The following EPC1 variants were observed in gnomAD, a reference collection of about 807,000 sequenced individuals.
EPC1 encodes enhancer of polycomb 1.
EPC1 carries 12 observed loss-of-function variants against 98.4 expected under a neutral mutation model. The ratio of observed to expected loss-of-function variants is 0.12; its 90% CI spans 0.08 to 0.20. The LOEUF (loss-of-function observed/expected upper bound fraction) is 0.20, where lower values mean the gene tolerates loss of function less well. Ranked by LOEUF, EPC1 falls within the 10% of genes least tolerant of loss-of-function variation. EPC1 has a pLI of 1.00. For synonymous variants in EPC1, 357 were observed against 363.9 expected, an observed-to-expected ratio of 0.98 and a Z score of 0.21; for missense variants, 729 against 990.5, an observed-to-expected ratio of 0.74 and a Z score of 3.54.
chr10:32,320,236 T>A (rs1041234), intron 1 of EPC1, among the ~76,000 whole-genome samples: 93,711 of 151,696 alleles, frequency 0.62, 30,073 homozygotes, highest in Middle Eastern at 0.76. Flanking sequence ...ACTTTTTTTT[T>A]AAAAAGTACA....
chr10:32,346,966 G>T lies in EPC1; in HGVS notation c.-51C>A. 1.2e-6 allele frequency: 2 copies of T among 1,601,066 alleles called. No individual in the cohort carries two copies. The stretch of plus-strand genomic sequence containing the variant: ...CTCTGGGGAAACGGCCCCGGCCAGC[G>T]GGATCATGGAGAACCGGGGGTTCGG... On this transcript the variant is annotated 5_prime_UTR_variant, in exon 1 of 14. Transcript: ENST00000319778.
chr10:32,271,497 G>A, intron 13 of EPC1, 57 bp downstream of exon 13: 1 of 1,551,082 alleles, frequency 6.4e-7, no homozygotes. Context: ...GAACGATGCT[G>A]GAGGACTGAA....
intron 10 of EPC1, chr10:32,274,151 C>T (rs1449088990): frequency 8.1e-5 from 12 of 148,144 alleles, no homozygotes; most frequent in Admixed American, 8.0e-4. Flanking sequence ...AAAAAAAGCA[C>T]ATACAATCAC....
At chr10:32,325,165 G>A (rs1477173621) in intron 1 of EPC1, among the ~76,000 whole-genome samples, 1 of 152,108 alleles carries the variant, frequency 6.6e-6, no homozygotes, top group African/African-American at 2.4e-5. Flanking sequence ...ACTATATTGA[G>A]TATAGTCAGA....
chr10:32,349,381 T>A (rs2505372), upstream of EPC1, among the ~76,000 whole-genome samples: 93,507 of 152,050 alleles, frequency 0.61, 29,844 homozygotes, highest in Middle Eastern at 0.74. Context: ...AAAATCACCC[T>A]CCGTGGCAAA....
At chr10:32,341,698 CA>C (rs1290261115) in intron 1 of EPC1, among the ~76,000 whole-genome samples, 1 of 152,200 alleles carries the variant, frequency 6.6e-6, no homozygotes, top group Non-Finnish European at 1.5e-5. Flanking sequence ...GTAAAGTGTT[CA>C]AAAGGTCCCT....
At chr10:32,324,229 G>A (rs941658414) in intron 1 of EPC1, among the ~76,000 whole-genome samples, 14 of 151,514 alleles carry the variant, frequency 9.2e-5, no homozygotes, top group South Asian at 4.2e-4. Flanking sequence ...GAGCCACTGC[G>A]CCCGGCCTAG....
intron 2 of EPC1, among the ~76,000 whole-genome samples, chr10:32,296,420 C>T (rs1314143609): frequency 6.6e-6 from 1 of 152,160 alleles, no homozygotes; most frequent in East Asian, 1.9e-4. Flanking sequence ...GCCATAGCTT[C>T]TGGTAGATAT....
chr10:32,322,932 A>AT (rs796212883), intron 1 of EPC1, among the ~76,000 whole-genome samples: 45 of 152,260 alleles, frequency 3.0e-4, no homozygotes, highest in African/African-American at 9.4e-4. Flanking sequence ...TAAAGAGACC[A>AT]TTTTTTTTAA....
chr10:32,339,183 G>T (rs944507204), intron 1 of EPC1, among the ~76,000 whole-genome samples: 3 of 152,006 alleles, frequency 2.0e-5, no homozygotes, highest in African/African-American at 7.3e-5. Flanking sequence ...AAGATTTAAT[G>T]ACTATTCTCT....
chr10:32,344,417 GAA>G (rs11361232), intron 1 of EPC1, among the ~76,000 whole-genome samples: 1 of 145,816 alleles, frequency 6.9e-6, no homozygotes, highest in African/African-American at 2.5e-5. Context: ...GCAATCTGAA[GAA>G]AAAAAAAAAT....
chr10:32,312,130 CAGTG>C (rs1836271215), intron 1 of EPC1, among the ~76,000 whole-genome samples: 1 of 152,096 alleles, frequency 6.6e-6, no homozygotes, highest in South Asian at 2.1e-4. Flanking sequence ...GGCTGAAGCA[CAGTG>C]AGTGAGGTGG....
At chr10:32,342,929 TC>T (rs1232250053) in intron 1 of EPC1, among the ~76,000 whole-genome samples, 2 of 152,218 alleles carry the variant, frequency 1.3e-5, no homozygotes, top group African/African-American at 4.8e-5. Context: ...ATAGTATTAA[TC>T]CATTTGGTAA....
chr10:32,332,781 T>C (rs1232216004), intron 1 of EPC1, among the ~76,000 whole-genome samples: 1 of 152,232 alleles, frequency 6.6e-6, no homozygotes, highest in Non-Finnish European at 1.5e-5. Context: ...ATTAGTTACA[T>C]AGTAATAGAT....
At chr10:32,308,240 T>G (rs1047053494) in intron 1 of EPC1, among the ~76,000 whole-genome samples, 1 of 152,050 alleles carries the variant, frequency 6.6e-6, no homozygotes, top group Non-Finnish European at 1.5e-5. Flanking sequence ...AATACAAAAA[T>G]TAGCTGGGTG....
chr10:32,348,205 T>C (rs976085683), upstream of EPC1, among the ~76,000 whole-genome samples: 14 of 152,194 alleles, frequency 9.2e-5, no homozygotes, highest in African/African-American at 3.4e-4. Context: ...TAGATGGATA[T>C]GATAGATGGG....
chr10:32,290,505 A>AAAAAAAAAAAAAAAAAAAAAAGAAAG (rs1554819136), intron 6 of EPC1, among the ~76,000 whole-genome samples: 11 of 77,514 alleles, frequency 1.4e-4, no homozygotes, highest in African/African-American at 6.1e-4. Flanking sequence ...AAAAAAAAAA[A>AAAAAAAAAAAAAAAAAAAAAAGAAAG]AAAGAAAGAA....
intron 1 of EPC1, 70 bp from the exon 2 acceptor site, chr10:32,306,001 AGGTT>A (rs1835855808): frequency 2.9e-6 from 4 of 1,391,964 alleles, no homozygotes; most frequent in Non-Finnish European, 3.8e-6. Context: ...ATAGCCAAAA[AGGTT>A]TTTTTGGCTC....
At chr10:32,362,327 C>T (rs1009705951) in intron 1 of EPC1, among the ~76,000 whole-genome samples, 4 of 151,850 alleles carry the variant, frequency 2.6e-5, no homozygotes, top group African/African-American at 4.8e-5. Context: ...AGGTGGGGTC[C>T]GGTGGGAGCT....
Sources: allele counts gnomAD v4.1 joint callset (sites outside exome capture counted in the v4.1 genomes callset), GRCh38; gene constraint gnomAD v4.1.1; transcripts MANE v1.5; gene names NCBI Gene and HGNC (gene_info 2026-07-23, HGNC 2026-07-21).